Variants in LSM11 observed in about 807,000 individuals in gnomAD.
LSM11 encodes LSM11, U7 small nuclear RNA associated.
Under a neutral mutation model 28.1 loss-of-function variants are expected in LSM11, and 14 were observed. The observed-to-expected ratio is 0.50, with a 90% CI of 0.33 to 0.78. The LOEUF is 0.78. Ranked by LOEUF, LSM11 falls within the 30% of genes least tolerant of loss-of-function variation. The probability of loss-of-function intolerance (pLI) is 0.02; values close to 1 mark genes in which losing one functional copy is unlikely to be tolerated. For synonymous variants in LSM11, 207 were observed against 214.2 expected, an observed-to-expected ratio of 0.97 and a Z score of 0.30; for missense variants, 495 against 510.6, an observed-to-expected ratio of 0.97 and a Z score of 0.30.
Position 157,758,393 on chromosome 5 carries a change from A to G in LSM11, c.*3129A>G, listed in dbSNP as rs1268468184. On this transcript the variant is annotated 3_prime_UTR_variant, in exon 4 of 4. Transcript: ENST00000286307. ...AGTGCTGGGATTACAGGCGTGAGCT[A>G]TCCCGCCCGGTCCCCTTTTCTTTAT... 6.6e-6 allele frequency: 1 copy of G among 152,232 alleles called. No homozygotes were observed. Among genetic ancestry groups the G allele is most frequent in the Non-Finnish European group, 1.5e-5 (1 of 68,048 alleles). The allele number at this position is 152,232 out of a possible 1,614,324, so 9.4% of individuals were successfully genotyped here.
At chr5:157,751,666 T>C (rs1018962295) in intron 2 of LSM11, 137 bp downstream of exon 2, 24 of 984,564 alleles carry the variant, frequency 2.4e-5, no homozygotes, top group Non-Finnish European at 3.7e-5. Context: ...TTGCATACTT[T>C]TGGGCAACAA....
intron 1 of LSM11, among the ~76,000 whole-genome samples, chr5:157,750,620 C>G (rs993696550): frequency 6.6e-6 from 1 of 152,304 alleles, no homozygotes; most frequent in South Asian, 2.1e-4. Context: ...CAGGATTGTA[C>G]ATGTTTAAGG....
intron 1 of LSM11, among the ~76,000 whole-genome samples, chr5:157,749,314 AGGGCAGG>A (rs1761190685): frequency 2.0e-5 from 3 of 152,214 alleles, no homozygotes; most frequent in Non-Finnish European, 4.4e-5. Context: ...CATACATCAT[AGGGCAGG>A]GGGCAGTATA....
At position 157,758,839 on chromosome 5, in the gene LSM11, TTAGA is replaced by T. The variant is rs1285724497; in HGVS notation, c.*3578_*3581del. ...GTCTTCTCAAAAGTATCTACCTTTG[TTAGA>T]TAATAACAAGTGATTAAGAAAGGGG... is the stretch of plus-strand genomic sequence containing the variant. On this transcript the variant is annotated 3_prime_UTR_variant, in exon 4 of 4. Coordinates refer to ENST00000286307, the MANE Select transcript of LSM11 (RefSeq NM_173491.4). The T allele has an allele frequency of 2.0e-5, 3 of 152,226 alleles. No individual in the cohort carries two copies. The highest frequency in any genetic ancestry group is 7.2e-5 in the African/African-American group (3 of 41,464). 9.4% of individuals were successfully genotyped at this position (152,226 alleles called of 1,614,324 possible).
intron 1 of LSM11, among the ~76,000 whole-genome samples, chr5:157,750,387 A>G (rs552159876): frequency 1.1e-3 from 160 of 152,354 alleles, no homozygotes; most frequent in Non-Finnish European, 2.0e-3. Flanking sequence ...TTCATAATAA[A>G]AGCTGAAATT....
chr5:157,744,223 G>T, intron 1 of LSM11, 25 bp downstream of exon 1: 2 of 1,252,612 alleles, frequency 1.6e-6, no homozygotes, highest in South Asian at 6.0e-5. Context: ...CGGGCGGGAA[G>T]CGGGGCAGCC....
At chr5:157,750,093 AAGAG>A (rs958335995) in intron 1 of LSM11, among the ~76,000 whole-genome samples, 17 of 151,896 alleles carry the variant, frequency 1.1e-4, no homozygotes, top group Non-Finnish European at 2.1e-4. Context: ...ACGCACGAGA[AAGAG>A]AGAGAGATTG....
In LSM11 at chr5:157,758,601, T is replaced by A. The variant is rs569373273; in HGVS notation, c.*3337T>A. 6.6e-6 allele frequency: 1 copy of A among 152,326 alleles called. No individual in the cohort carries two copies. The highest frequency in any genetic ancestry group is 2.1e-4 in the South Asian group (1 of 4,826). The allele number at this position is 152,326 out of a possible 1,614,324, so 9.4% of individuals were successfully genotyped here. A position where few individuals can be genotyped will look rare whatever the true frequency, so the allele number is the denominator to read the frequency against. On this transcript the variant is annotated 3_prime_UTR_variant, in exon 4 of 4. Transcript: ENST00000286307. Reference sequence around the variant, plus strand: ...GTCGGGGAACTCCCACTAGCTCACCTGAGGGGGGCTCGATGCAGCTGAAAT... The same window carrying A: ...GTCGGGGAACTCCCACTAGCTCACCAGAGGGGGGCTCGATGCAGCTGAAAT...
chr5:157,757,790 G>A lies in LSM11; in HGVS notation c.*2526G>A, dbSNP rs1377252169. Reference sequence around the variant, plus strand: ...ATAAGGTAGAAATTTGGAATCCAACGGAATATAATCAGTTTTCATTCATTC... The same window carrying A: ...ATAAGGTAGAAATTTGGAATCCAACAGAATATAATCAGTTTTCATTCATTC... On this transcript the variant is annotated 3_prime_UTR_variant, in exon 4 of 4. Coordinates refer to ENST00000286307, the MANE Select transcript of LSM11 (RefSeq NM_173491.4). The A allele has an allele frequency of 1.3e-5, 2 of 152,124 alleles. No individual in the cohort carries two copies. Among genetic ancestry groups the A allele is most frequent in the Non-Finnish European group, 2.9e-5 (2 of 68,020 alleles). 9.4% of individuals were successfully genotyped at this position (152,124 alleles called of 1,614,324 possible). A position where few individuals can be genotyped will look rare whatever the true frequency, so the allele number is the denominator to read the frequency against.
chr5:157,754,187 C>A, intron 3 of LSM11, 100 bp downstream of exon 3: 1 of 754,630 alleles, frequency 1.3e-6, no homozygotes, highest in South Asian at 2.8e-5. Context: ...AGAGGGAAAT[C>A]TCTGTTGCTA....
chr5:157,746,908 C>CA (rs775268886), intron 1 of LSM11, among the ~76,000 whole-genome samples: 3 of 150,580 alleles, frequency 2.0e-5, no homozygotes, highest in South Asian at 2.1e-4. Flanking sequence ...TACGAGGTCT[C>CA]AAAAAAAAGT....
At chr5:157,752,178 T>G (rs1279240006) in intron 2 of LSM11, among the ~76,000 whole-genome samples, 2 of 151,400 alleles carry the variant, frequency 1.3e-5, no homozygotes, top group African/African-American at 4.9e-5. Context: ...TTTTTTTTTT[T>G]GAGACAGTGT....
At chr5:157,750,298 A>T (rs1761211369) in intron 1 of LSM11, among the ~76,000 whole-genome samples, 1 of 152,220 alleles carries the variant, frequency 6.6e-6, no homozygotes, top group Non-Finnish European at 1.5e-5. Context: ...TATATACCAT[A>T]GCCAGCATAT....
intron 3 of LSM11, among the ~76,000 whole-genome samples, chr5:157,754,478 G>C (rs1761290776): frequency 6.6e-6 from 1 of 152,070 alleles, no homozygotes; most frequent in Non-Finnish European, 1.5e-5. Context: ...TGAATCATGA[G>C]GTCAGGAGAT....
rs1197606072 is a variant in LSM11, at chr5:157,759,664, T to C, written c.*4400T>C. The C allele has an allele frequency of 6.6e-6, 1 of 152,218 alleles. No homozygotes were observed. Among genetic ancestry groups the C allele is most frequent in the Non-Finnish European group, 1.5e-5 (1 of 68,042 alleles). The allele number at this position is 152,218 out of a possible 1,614,324, so 9.4% of individuals were successfully genotyped here. ...AATTTTTCTTTTCCTGTGCCAGATATAGAATGCAGTCAACCCTTTTTCAGT... is the reference window on the plus strand; with the variant it reads ...AATTTTTCTTTTCCTGTGCCAGATACAGAATGCAGTCAACCCTTTTTCAGT... On this transcript the variant is annotated 3_prime_UTR_variant, in exon 4 of 4. Coordinates refer to ENST00000286307, the MANE Select transcript of LSM11 (RefSeq NM_173491.4).
Position 157,744,189 on chromosome 5 carries a change from C to T in LSM11, c.439C>T (p.Arg147Ter), listed in dbSNP as rs755977103. 6 of 1,315,474 alleles carry T rather than the reference C, an allele frequency of 4.6e-6. No individual in the cohort carries two copies. Among genetic ancestry groups the T allele is most frequent in the Non-Finnish European group, 5.8e-6 (6 of 1,029,672 alleles). 81.5% of individuals were successfully genotyped at this position (1,315,474 alleles called of 1,614,324 possible). The change falls in exon 1 of 4, where the codon CGA (arginine) becomes TGA (stop). Residue 147 changes from arginine (R) to a stop codon, truncating the protein, a stop_gained. Transcript: ENST00000286307. LOFTEE classifies it high-confidence loss of function. ...SRKAPRNVLTRMPLHEGSPLG... is the reference protein window; with the variant it reads ...SRKAPRNVLT ...GAAGGCGCCACGCAACGTGCTCACG[C>T]GAATGCCCTGTGAGTCCGCGGGCCG...
chr5:157,749,604 A>ACCCC lies in LSM11; in HGVS notation c.449-1785_449-1784insCCCC, dbSNP rs10641304. Among the ~76,000 whole-genome samples the ACCCC allele has an allele frequency of 1.5e-3, 235 of 151,794 alleles. 4 individuals carry two copies. In the East Asian group the frequency reaches 0.038, roughly 25 times the overall value. The stretch of plus-strand genomic sequence containing the variant: ...CGCACGCGCGCACACACACACACAC[A>ACCCC]CACCCACACACCCATACACACCCTT... On this transcript the variant is annotated intron_variant, in intron 1 of 3. Coordinates refer to ENST00000286307, the MANE Select transcript of LSM11 (RefSeq NM_173491.4).
intron 3 of LSM11, among the ~76,000 whole-genome samples, chr5:157,754,370 C>A (rs1363485895): frequency 6.6e-6 from 1 of 152,116 alleles, no homozygotes; most frequent in East Asian, 1.9e-4. Context: ...TTTCTCTTGA[C>A]ATATGTATTA....
rs777701862 is a variant in LSM11, at chr5:157,755,631, G to C, written c.*367G>C. The C allele has an allele frequency of 9.3e-6, 4 of 428,808 alleles. No individual in the cohort carries two copies. The highest frequency in any genetic ancestry group is 1.6e-5 in the Non-Finnish European group (4 of 243,908). 26.6% of individuals were successfully genotyped at this position (428,808 alleles called of 1,614,324 possible). A position where few individuals can be genotyped will look rare whatever the true frequency, so the allele number is the denominator to read the frequency against. On this transcript the variant is annotated 3_prime_UTR_variant, in exon 4 of 4. Transcript: ENST00000286307. The stretch of plus-strand genomic sequence containing the variant: ...AAGAAAAGTCTCAAAAAGAAGTATT[G>C]CATGTCTAAAAGCTAGTGCCCTGAG...
Sources: allele counts gnomAD v4.1 joint callset (sites outside exome capture counted in the v4.1 genomes callset), GRCh38; gene constraint gnomAD v4.1.1; transcripts MANE v1.5; gene names NCBI Gene and HGNC (gene_info 2026-07-23, HGNC 2026-07-21).